The following PARD3 variants were observed in gnomAD, a reference collection of about 807,000 sequenced individuals.
PARD3 encodes the protein par-3 family cell polarity regulator.
PARD3 carries 75 observed loss-of-function variants against 155.4 expected under a neutral mutation model. The ratio of observed to expected loss-of-function variants is 0.48; its 90% CI spans 0.40 to 0.58. The LOEUF is 0.58. Ranked by LOEUF, PARD3 falls within the 20% of genes least tolerant of loss-of-function variation. PARD3 has a pLI of 0.00. For synonymous variants in PARD3, 576 were observed against 610.5 expected (o/e 0.94, Z 0.83); for missense variants, 1,642 against 1,721.7 (o/e 0.95, Z 0.82).
At chr10:34,701,479 G>A (rs529839346) in intron 1 of PARD3, among the ~76,000 whole-genome samples, 1 of 152,196 alleles carries the variant, frequency 6.6e-6, no homozygotes, top group Non-Finnish European at 1.5e-5. Flanking sequence ...ACATTTTGCA[G>A]AACCAAGAAA....
chr10:34,740,374 G>T (rs570651181), intron 1 of PARD3, among the ~76,000 whole-genome samples: 2 of 152,338 alleles, frequency 1.3e-5, no homozygotes, highest in South Asian at 4.1e-4. Flanking sequence ...AGTGCATCTG[G>T]TCTCCCTGTC....
intron 2 of PARD3, among the ~76,000 whole-genome samples, chr10:34,579,628 T>C (rs2087247789): frequency 6.6e-6 from 1 of 150,920 alleles, no homozygotes; most frequent in Admixed American, 6.6e-5. Flanking sequence ...TCTCCCAGGC[T>C]GGAGTGCAGT....
chr10:34,387,876 G>A lies in PARD3; in HGVS notation c.891-3622C>T, dbSNP rs949224058. 2.6e-5 allele frequency among the ~76,000 whole-genome samples: 4 copies of A among 152,162 alleles called. No individual in the cohort carries two copies. In the East Asian group the frequency reaches 7.7e-4, roughly 29 times the overall value. On this transcript the variant is annotated intron_variant, in intron 7 of 24. Transcript: ENST00000374788. ...CATGTAATGTTCCATTTCTTGAATG[G>A]TTGTCTTTCTAAATAAGTCCTCATC...
intron 1 of PARD3, among the ~76,000 whole-genome samples, chr10:34,747,130 A>G (rs1038410689): frequency 6.6e-5 from 10 of 152,370 alleles, no homozygotes; most frequent in East Asian, 1.9e-4. Flanking sequence ...AAGATTATAA[A>G]GAACAGAAAT....
intron 20 of PARD3, among the ~76,000 whole-genome samples, chr10:34,287,462 T>C (rs1273079699): frequency 6.6e-6 from 1 of 152,190 alleles, no homozygotes; most frequent in Non-Finnish European, 1.5e-5. Flanking sequence ...GAGAACAATC[T>C]ACTCTCTATC....
rs115221939 is a variant in PARD3 at position 34,426,489 on chromosome 10, G to A, written c.714+23828C>T. Among the ~76,000 whole-genome samples the A allele has an allele frequency of 7.3e-3, 1,113 of 152,188 alleles. 14 individuals are homozygous for A. Among genetic ancestry groups the A allele is most frequent in the African/African-American group, 0.026 (1,070 of 41,542 alleles). ...AGATAAGGAAAAGAGAACCAAAATAGTTACAGTGCTATAGAATCCACTTCT... is the reference window on the plus strand; with the variant it reads ...AGATAAGGAAAAGAGAACCAAAATAATTACAGTGCTATAGAATCCACTTCT... On this transcript the variant is annotated intron_variant, in intron 5 of 24. Transcript: ENST00000374788.
chr10:34,309,547 C>CAAAAAAAAAAAAAAAAAAAA (rs1323865538), intron 20 of PARD3, among the ~76,000 whole-genome samples: 1 of 46,628 alleles, frequency 2.1e-5, no homozygotes. Flanking sequence ...GACCCTGTCT[C>CAAAAAAAAAAAAAAAAAAAA]CAAAAAAAAA....
intron 14 of PARD3, among the ~76,000 whole-genome samples, chr10:34,354,130 CAA>C (rs375279575): frequency 2.0e-5 from 2 of 101,620 alleles, no homozygotes; most frequent in Non-Finnish European, 4.1e-5. Context: ...TGTCTTTCTT[CAA>C]AAAAAAAAAA....
At chr10:34,485,883 A>G (rs1439097499) in intron 3 of PARD3, among the ~76,000 whole-genome samples, 3 of 151,366 alleles carry the variant, frequency 2.0e-5, no homozygotes, top group Non-Finnish European at 4.4e-5. Context: ...TTATTGCTAC[A>G]AAGAGACTAT....
At chr10:34,447,809 G>A (rs12250171) in intron 5 of PARD3, among the ~76,000 whole-genome samples, 22 of 73,684 alleles carry the variant, frequency 3.0e-4, no homozygotes, top group African/African-American at 7.6e-4. Context: ...TGTCTCAAAA[G>A]AAAGAAAGAA....
chr10:34,701,329 G>A (rs553123185), intron 1 of PARD3, among the ~76,000 whole-genome samples: 9 of 131,506 alleles, frequency 6.8e-5, no homozygotes, highest in South Asian at 2.8e-4. Flanking sequence ...CAATACACGC[G>A]GGGATGTTGT....
intron 22 of PARD3, among the ~76,000 whole-genome samples, chr10:34,191,155 G>A (rs1257125253): frequency 3.9e-5 from 6 of 152,016 alleles, no homozygotes; most frequent in Non-Finnish European, 7.4e-5. Context: ...GGAGGCTACT[G>A]CATAAACTCA....
chr10:34,644,046 T>C (rs1301219826), intron 2 of PARD3, among the ~76,000 whole-genome samples: 2 of 152,224 alleles, frequency 1.3e-5, no homozygotes, highest in East Asian at 3.8e-4. Flanking sequence ...AATTTACTGC[T>C]TGCATAAATT....
intron 22 of PARD3, among the ~76,000 whole-genome samples, chr10:34,218,124 A>C (rs2133449926): frequency 6.6e-6 from 1 of 152,262 alleles, no homozygotes; most frequent in Non-Finnish European, 1.5e-5. Flanking sequence ...AACACCATGC[A>C]CACCTGACTG....
chr10:34,209,291 T>C (rs1172113647), intron 22 of PARD3, among the ~76,000 whole-genome samples: 3 of 152,082 alleles, frequency 2.0e-5, no homozygotes, highest in Non-Finnish European at 4.4e-5. Context: ...GAATATGTAG[T>C]TGGAGGTTGA....
intron 22 of PARD3, among the ~76,000 whole-genome samples, chr10:34,218,076 C>T (rs1250722164): frequency 6.6e-6 from 1 of 152,092 alleles, no homozygotes; most frequent in African/African-American, 2.4e-5. Context: ...CCTGAAACAT[C>T]ACTCATCACT....
At chr10:34,666,805 A>ATATATATATATATATG (rs1554804648) in intron 2 of PARD3, among the ~76,000 whole-genome samples, 50 of 101,680 alleles carry the variant, frequency 4.9e-4, no homozygotes, top group African/African-American at 2.4e-3. Flanking sequence ...AAATATATAT[A>ATATATATATATATATG]TATATATATA....
intron 22 of PARD3, among the ~76,000 whole-genome samples, chr10:34,266,109 GT>G (rs1318264517): frequency 6.6e-6 from 1 of 152,110 alleles, no homozygotes; most frequent in African/African-American, 2.4e-5. Flanking sequence ...TGGCTTTATG[GT>G]TGTATAATGG....
intron 22 of PARD3, among the ~76,000 whole-genome samples, chr10:34,142,400 G>A (rs1028335108): frequency 2.6e-5 from 4 of 151,882 alleles, no homozygotes; most frequent in Non-Finnish European, 5.9e-5. Flanking sequence ...TTAGCTGGGT[G>A]TGGTGGTGCG....
Sources: allele counts gnomAD v4.1 joint callset (sites outside exome capture counted in the v4.1 genomes callset), GRCh38; gene constraint gnomAD v4.1.1; transcripts MANE v1.5; gene names NCBI Gene and HGNC (gene_info 2026-07-23, HGNC 2026-07-21).